IFT74: variants seen among roughly 807,000 people sequenced by gnomAD.
IFT74 encodes the protein intraflagellar transport 74, also known as intraflagellar transport protein 74 homolog.
A neutral mutation model predicts 96.7 loss-of-function variants in IFT74; 92 were observed. That is an observed-to-expected ratio of 0.95 (90% CI 0.80 to 1.13). IFT74 has a LOEUF of 1.13. IFT74 is among the 50% of genes most tolerant of loss of function. The pLI is 0.00. For synonymous variants in IFT74, 223 were observed against 213.2 expected (o/e 1.05, Z -0.40); for missense variants, 811 against 698.2 (o/e 1.16, Z -1.82).
At chr9:26,994,593 G>GTTT (rs1216624508) in intron 8 of IFT74, 1 of 150,494 alleles carries the variant, frequency 6.6e-6, no homozygotes, top group Non-Finnish European at 1.5e-5. Flanking sequence ...TAAACTACTA[G>GTTT]TTTTTCCTGT....
rs1438644685 is a variant in IFT74, at chr9:27,018,634, T to G, written c.934-13T>G. Reference sequence around the variant, plus strand: ...ATTTTTTTAAATACTACTTTCTTTTTATGCCTTTGTAGATTAAAGATGATA... The same window carrying G: ...ATTTTTTTAAATACTACTTTCTTTTGATGCCTTTGTAGATTAAAGATGATA... On this transcript the variant is annotated splice_polypyrimidine_tract_variant and intron_variant, in intron 11 of 19. Transcript: ENST00000380062. 6.9e-7 allele frequency: 1 copy of G among 1,459,592 alleles called. No individual in the cohort carries two copies. The highest frequency in any genetic ancestry group is 1.3e-5 in the South Asian group (1 of 77,496). 90.4% of individuals were successfully genotyped at this position (1,459,592 alleles called of 1,614,324 possible). A position where few individuals can be genotyped will look rare whatever the true frequency, so the allele number is the denominator to read the frequency against.
At chr9:26,954,956 T>C (rs899771099), upstream of IFT74, among the ~76,000 whole-genome samples, 7 of 152,112 alleles carry the variant, frequency 4.6e-5, no homozygotes, top group African/African-American at 1.7e-4. Flanking sequence ...GTATTCCTAT[T>C]CTCTATTCCT....
At chr9:26,953,697 G>C (rs1283177747), upstream of IFT74, among the ~76,000 whole-genome samples, 1 of 151,046 alleles carries the variant, frequency 6.6e-6, no homozygotes, top group African/African-American at 2.5e-5. Flanking sequence ...TTTTTGTAGG[G>C]GGGGGGTCTC....
intron 9 of IFT74, among the ~76,000 whole-genome samples, chr9:27,009,644 C>A (rs537522637): frequency 1.7e-4 from 26 of 151,694 alleles, no homozygotes; most frequent in African/African-American, 6.0e-4. Context: ...TGCATTCCAG[C>A]CTGGGCAACA....
At chr9:26,987,292 A>G (rs1001196751) in intron 6 of IFT74, among the ~76,000 whole-genome samples, 8 of 152,024 alleles carry the variant, frequency 5.3e-5, no homozygotes, top group African/African-American at 1.9e-4. Flanking sequence ...GGGTTTCACC[A>G]TGTTGGCCAG....
intron 9 of IFT74, 28 bp downstream of exon 9, chr9:27,009,186 G>A (rs1338807334): frequency 1.3e-6 from 2 of 1,590,056 alleles, no homozygotes; most frequent in Non-Finnish European, 1.7e-6. Context: ...TGTGTGCCAA[G>A]CATGTATCAT....
chr9:26,949,496 T>G (rs569481520), intron 1 of IFT74, among the ~76,000 whole-genome samples: 3 of 152,140 alleles, frequency 2.0e-5, no homozygotes, highest in Non-Finnish European at 4.4e-5. Flanking sequence ...ACCAACCCCT[T>G]ATAAAAGTTT....
chr9:27,061,679 A>G (rs886837916), intron 19 of IFT74, among the ~76,000 whole-genome samples: 5 of 145,986 alleles, frequency 3.4e-5, no homozygotes, highest in Non-Finnish European at 6.0e-5. Context: ...ATCCACAAGT[A>G]TATATATATA....
intron 2 of IFT74, among the ~76,000 whole-genome samples, chr9:26,968,802 C>CTT (rs147935423): frequency 6.6e-6 from 1 of 151,650 alleles, no homozygotes; most frequent in Non-Finnish European, 1.5e-5. Context: ...AGTCTTCCCT[C>CTT]TTTTTTTCAT....
At chr9:27,049,059 C>T (rs1045832986) in intron 16 of IFT74, among the ~76,000 whole-genome samples, 1 of 152,054 alleles carries the variant, frequency 6.6e-6, no homozygotes, top group African/African-American at 2.4e-5. Context: ...TTTAAAAGAG[C>T]CTGGTACCTC....
At position 26,948,562 on chromosome 9, in the gene IFT74, G is replaced by A. The variant is rs569990707; in HGVS notation, c.-20+1416G>A. On this transcript the variant is annotated intron_variant, in intron 1 of 19. Coordinates refer to the IFT74 transcript ENST00000433700. ...CGGCTCACTGCAACCCTCGCCTCCC[G>A]GGTTCAAGCGATTCCTGCCTCAGCC... Among the ~76,000 whole-genome samples the A allele has an allele frequency of 2.1e-4, 29 of 141,172 alleles. No homozygotes were observed. The South Asian group carries it at 4.0e-3, about 19-fold the overall frequency. The allele number at this position is 141,172 out of a possible 152,430, so 92.6% of individuals were successfully genotyped here.
intron 13 of IFT74, chr9:27,036,551 G>T: frequency 6.2e-7 from 1 of 1,608,564 alleles, no homozygotes; most frequent in South Asian, 1.1e-5. Flanking sequence ...GAATCCATTT[G>T]AACTGAAGAA....
chr9:27,035,654 T>A (rs1164918496), intron 13 of IFT74, among the ~76,000 whole-genome samples: 1 of 152,252 alleles, frequency 6.6e-6, no homozygotes, highest in African/African-American at 2.4e-5. Context: ...ATGTTTAGTA[T>A]ATGCTGCTTA....
In IFT74 at chr9:26,984,614, A is replaced by G. The variant is rs1827554936; in HGVS notation, c.465+55A>G. ...GTTAATATTTTCATTAGTTTTTACT[A>G]CTGCTTTAAAAATACATTAGTAGGC... is the stretch of plus-strand genomic sequence containing the variant. On this transcript the variant is annotated intron_variant, in intron 6 of 19. Coordinates refer to ENST00000380062, the MANE Select transcript of IFT74 (RefSeq NM_025103.4). 1.2e-5 allele frequency: 17 copies of G among 1,382,084 alleles called. No individual in the cohort carries two copies. In the South Asian group the frequency reaches 1.3e-4, roughly 11 times the overall value. 85.6% of individuals were successfully genotyped at this position (1,382,084 alleles called of 1,614,324 possible).
chr9:27,021,654 T>C (rs1829609492), intron 12 of IFT74, among the ~76,000 whole-genome samples: 1 of 152,194 alleles, frequency 6.6e-6, no homozygotes, highest in Non-Finnish European at 1.5e-5. Context: ...TTCATGTCCT[T>C]AGCCCACTTT....
chr9:27,018,625 CT>C, intron 11 of IFT74, 21 bp from the exon 12 acceptor site: 1 of 1,400,574 alleles, frequency 7.1e-7, no homozygotes, highest in South Asian at 1.3e-5. Flanking sequence ...TTAAATACTA[CT>C]TTCTTTTTAT....
chr9:26,958,243 G>A (rs1826207741), intron 1 of IFT74, among the ~76,000 whole-genome samples: 1 of 152,188 alleles, frequency 6.6e-6, no homozygotes, highest in South Asian at 2.1e-4. Flanking sequence ...ATCATTTCAA[G>A]TGGTGTGATA....
At chr9:26,976,513 T>TA (rs1402273179) in intron 2 of IFT74, 2 of 309,714 alleles carry the variant, frequency 6.5e-6, no homozygotes, top group Non-Finnish European at 1.3e-5. Context: ...GCTAAACATT[T>TA]AAACTTTCTT....
chr9:27,055,783 A>C lies in IFT74; in HGVS notation c.1497+11A>C, dbSNP rs756828652. 6.8e-7 allele frequency: 1 copy of C among 1,475,674 alleles called. No homozygotes were observed. Among genetic ancestry groups the C allele is most frequent in the Non-Finnish European group, 9.0e-7 (1 of 1,108,010 alleles). 91.4% of individuals were successfully genotyped at this position (1,475,674 alleles called of 1,614,324 possible). A position where few individuals can be genotyped will look rare whatever the true frequency, so the allele number is the denominator to read the frequency against. On this transcript the variant is annotated intron_variant, in intron 17 of 19. Coordinates refer to ENST00000380062, the MANE Select transcript of IFT74 (RefSeq NM_025103.4). ...GAAGAAAAGATAAAGGTAAATGTTAACCAAGTCTTACAGAATTACAATTCA... is the reference window on the plus strand; with the variant it reads ...GAAGAAAAGATAAAGGTAAATGTTACCCAAGTCTTACAGAATTACAATTCA...
Sources: allele counts gnomAD v4.1 joint callset (sites outside exome capture counted in the v4.1 genomes callset), GRCh38; gene constraint gnomAD v4.1.1; transcripts MANE v1.5; gene names NCBI Gene and HGNC (gene_info 2026-07-23, HGNC 2026-07-21).